The following TFAP4 variants were observed in gnomAD, a reference collection of about 807,000 sequenced individuals.
TFAP4 encodes the protein transcription factor AP-4, also known as activating enhancer-binding protein 4.
Under a neutral mutation model 40.4 loss-of-function variants are expected in TFAP4, and 7 were observed. The ratio of observed to expected loss-of-function variants is 0.17; its 90% CI spans 0.10 to 0.33. The LOEUF (loss-of-function observed/expected upper bound fraction) is 0.33. Among genes scored for constraint, TFAP4 ranks in the 10% least tolerant of loss-of-function variants. The pLI is 1.00. For missense variants in TFAP4, 374 were observed against 451.1 expected, an observed-to-expected ratio of 0.83 and a Z score of 1.55; for synonymous variants, 218 against 181.4, an observed-to-expected ratio of 1.20 and a Z score of -1.62.
rs780865305 is a variant in TFAP4, at chr16:4,260,587, C to G, written c.534G>C (p.Ser178=). 3 of 1,602,914 alleles carry G rather than the reference C, an allele frequency of 1.9e-6. No homozygotes were observed. The highest frequency in any genetic ancestry group is 2.6e-6 in the Non-Finnish European group (3 of 1,175,756). ...TTTCCGGGTACATGTGGGCCTCCAGCGAGCGCACCTGGAGGCAGGACAACC... is the reference window on the plus strand; with the variant it reads ...TTTCCGGGTACATGTGGGCCTCCAGGGAGCGCACCTGGAGGCAGGACAACC... ...VRMMLEEQVR[S]LEAHMYPEKL... The change falls in exon 5 of 7, where the codon TCG becomes TCC. Residue 178 remains serine, a synonymous_variant. Coordinates refer to ENST00000204517, the MANE Select transcript of TFAP4 (RefSeq NM_003223.3).
At chr16:4,259,969 C>T in intron 6 of TFAP4, 121 bp downstream of exon 6, 1 of 1,324,192 alleles carries the variant, frequency 7.6e-7, no homozygotes, top group Non-Finnish European at 1.0e-6. Flanking sequence ...TTCCAGCCCT[C>T]CACCCCTTCC....
At position 4,260,224 on chromosome 16, in the gene TFAP4, T is replaced by TGGAAGCCTTG; in HGVS notation, c.687_688insCAAGGCTTCC (p.Thr230GlnfsTer85). On this transcript the variant is annotated frameshift_variant, in exon 6 of 7. Coordinates refer to ENST00000204517, the MANE Select transcript of TFAP4 (RefSeq NM_003223.3). LOFTEE classifies it high-confidence loss of function. ...GGCACGATCACCGTGGGGTGGTGGG[T>TGGAAGCCTTG]GGGGGCCGGAGGGGGCAGAAGCTGC... is the stretch of plus-strand genomic sequence containing the variant. 1 of 223,764 alleles carries TGGAAGCCTTG rather than the reference T, an allele frequency of 4.5e-6. No individual in the cohort carries two copies. The highest frequency in any genetic ancestry group is 7.9e-6 in the Non-Finnish European group (1 of 126,040). The allele number at this position is 223,764 out of a possible 1,614,324, so 13.9% of individuals were successfully genotyped here. A position where few individuals can be genotyped will look rare whatever the true frequency, so the allele number is the denominator to read the frequency against.
intron 1 of TFAP4, among the ~76,000 whole-genome samples, chr16:4,271,640 G>A (rs1303583166): frequency 6.6e-6 from 1 of 152,140 alleles, no homozygotes; most frequent in Non-Finnish European, 1.5e-5. Context: ...GGAGGCCTGC[G>A]GACCTCGGGC....
At chr16:4,259,995 T>C (rs940270027) in intron 6 of TFAP4, 95 bp downstream of exon 6, 1 of 1,435,150 alleles carries the variant, frequency 7.0e-7, no homozygotes, top group Non-Finnish European at 9.3e-7. Flanking sequence ...AAGCACCATC[T>C]TCCTCCGCTT....
At position 4,261,254 on chromosome 16, in the gene TFAP4, G is replaced by A. The variant is rs559764758; in HGVS notation, c.525+525C>T. On this transcript the variant is annotated intron_variant, in intron 4 of 6. Coordinates refer to ENST00000204517, the MANE Select transcript of TFAP4 (RefSeq NM_003223.3). ...CGCAAAGTGCTGGGATTATAGGTGT[G>A]AGCCACCATACCCAGCCCATCACGG... Among the ~76,000 whole-genome samples, 10 of 151,278 alleles carry A rather than the reference G, an allele frequency of 6.6e-5. No individual in the cohort carries two copies. In the East Asian group the frequency reaches 2.0e-3, roughly 30 times the overall value.
chr16:4,262,462 T>C (rs1162271218), intron 2 of TFAP4, 40 bp from the exon 3 acceptor site: 1 of 1,613,758 alleles, frequency 6.2e-7, no homozygotes, highest in East Asian at 2.2e-5. Flanking sequence ...CTGGCAGTGT[T>C]TACCAGAGCT....
intron 1 of TFAP4, 138 bp from the exon 2 acceptor site, chr16:4,262,839 C>T: frequency 1.0e-6 from 1 of 961,900 alleles, no homozygotes; most frequent in Non-Finnish European, 1.6e-6. Flanking sequence ...GAGGGGTGCT[C>T]TCTGGGACAC....
chr16:4,262,951 G>A lies in TFAP4; in HGVS notation c.90-250C>T, dbSNP rs528973428. On this transcript the variant is annotated intron_variant, in intron 1 of 6. Transcript: ENST00000204517. ...AGTTCTTTGGGAGGTCAAGGCCAAG[G>A]ATCATTGAGCCTAAGAGTTTGAGAT... The A allele has an allele frequency of 1.1e-4, 56 of 529,182 alleles. No homozygotes were observed. The South Asian group carries it at 1.1e-3, about 11-fold the overall frequency. The allele number at this position is 529,182 out of a possible 1,614,324, so 32.8% of individuals were successfully genotyped here. A position where few individuals can be genotyped will look rare whatever the true frequency, so the allele number is the denominator to read the frequency against.
chr16:4,271,233 G>T (rs529938327), intron 1 of TFAP4, among the ~76,000 whole-genome samples: 2 of 152,210 alleles, frequency 1.3e-5, no homozygotes, highest in South Asian at 2.1e-4. Flanking sequence ...GTGTCTACAC[G>T]TGTGCAGCAA....
Position 4,257,269 on chromosome 16 carries a change from AAATAT to A in TFAP4, c.*781_*785del, listed in dbSNP as rs760002879. 2.0e-5 allele frequency: 3 copies of A among 151,730 alleles called. No individual in the cohort carries two copies. The highest frequency in any genetic ancestry group is 4.4e-5 in the Non-Finnish European group (3 of 67,832). The allele number at this position is 151,730 out of a possible 1,614,324, so 9.4% of individuals were successfully genotyped here. On this transcript the variant is annotated 3_prime_UTR_variant, in exon 7 of 7. Coordinates refer to ENST00000204517, the MANE Select transcript of TFAP4 (RefSeq NM_003223.3). ...TTTTTTTCTCCCCACTTTCTTAACA[AAATAT>A]AATAGCTTCTCCTTGAACACGAAGA...
At chr16:4,271,051 A>T (rs1257271238) in intron 1 of TFAP4, among the ~76,000 whole-genome samples, 1 of 152,104 alleles carries the variant, frequency 6.6e-6, no homozygotes, top group Non-Finnish European at 1.5e-5. Flanking sequence ...GAGCTCAAGA[A>T]TTTTTTTTAC....
At position 4,272,755 on chromosome 16, in the gene TFAP4, G is replaced by C. The variant is rs1328869583; in HGVS notation, c.-9C>G. On this transcript the variant is annotated 5_prime_UTR_variant, in exon 1 of 7. Transcript: ENST00000204517. ...ACCATGAAATACTCCATAGCGATCG[G>C]CCCCCCTCCTCTGCACGAGCCAGGT... The C allele has an allele frequency of 3.1e-6, 5 of 1,612,392 alleles. No homozygotes were observed. The highest frequency in any genetic ancestry group is 3.4e-6 in the Non-Finnish European group (4 of 1,178,862).
intron 1 of TFAP4, chr16:4,266,444 T>C (rs574487705): frequency 6.6e-6 from 1 of 152,222 alleles, no homozygotes; most frequent in East Asian, 1.9e-4. Context: ...CCCTCAAATA[T>C]AACTCACCTA....
chr16:4,272,947 C>CGTGTGTGTGTGTGTGTGTGTGT lies in TFAP4; in HGVS notation c.-202_-201insACACACACACACACACACACAC, dbSNP rs1400638855. 2.2e-6 allele frequency: 1 copy of CGTGTGTGTGTGTGTGTGTGTGT among 458,522 alleles called. No homozygotes were observed. Among genetic ancestry groups the CGTGTGTGTGTGTGTGTGTGTGT allele is most frequent in the African/African-American group, 2.7e-5 (1 of 36,450 alleles). 28.4% of individuals were successfully genotyped at this position (458,522 alleles called of 1,614,324 possible). On this transcript the variant is annotated 5_prime_UTR_variant, in exon 1 of 7. Transcript: ENST00000204517. Reference sequence around the variant, plus strand: ...GGTCTCTCCGGCCTGCCTCCCCGGGCGTGTGTATGTGTGTGTGTGTGTGTG... The same window carrying CGTGTGTGTGTGTGTGTGTGTGT: ...GGTCTCTCCGGCCTGCCTCCCCGGGCGTGTGTGTGTGTGTGTGTGTGTGTGTGTATGTGTGTGTGTGTGTGTG...
intron 1 of TFAP4, among the ~76,000 whole-genome samples, chr16:4,267,884 A>G (rs1187353567): frequency 2.6e-5 from 4 of 152,094 alleles, no homozygotes; most frequent in Non-Finnish European, 4.4e-5. Context: ...CTGTACTCTG[A>G]CCTGGCCAGT....
chr16:4,257,324 A>G lies in TFAP4; in HGVS notation c.*731T>C, dbSNP rs1030955023. 4.0e-5 allele frequency: 6 copies of G among 151,320 alleles called. No homozygotes were observed. Among genetic ancestry groups the G allele is most frequent in the South Asian group, 2.1e-4 (1 of 4,816 alleles). 9.4% of individuals were successfully genotyped at this position (151,320 alleles called of 1,614,324 possible). ...ACCTCAAAATTGTAAAAAAAAAAAAAAAAGAAAGAAAAAAAAGAAAAACAA... is the reference window on the plus strand; with the variant it reads ...ACCTCAAAATTGTAAAAAAAAAAAAGAAAGAAAGAAAAAAAAGAAAAACAA... On this transcript the variant is annotated 3_prime_UTR_variant, in exon 7 of 7. Transcript: ENST00000204517.
At chr16:4,262,728 G>A (rs777490443) in intron 1 of TFAP4, 27 bp from the exon 2 acceptor site, 11 of 1,600,650 alleles carry the variant, frequency 6.9e-6, no homozygotes, top group South Asian at 5.5e-5. Flanking sequence ...GGACAGGCTC[G>A]GCCAAGGCGC....
intron 1 of TFAP4, among the ~76,000 whole-genome samples, chr16:4,271,411 C>A (rs760028744): frequency 4.1e-4 from 63 of 152,234 alleles, no homozygotes; most frequent in Middle Eastern, 3.2e-3. Context: ...GGAAAGGGGC[C>A]ACAGGTCCCA....
chr16:4,259,664 C>A, intron 6 of TFAP4, among the ~76,000 whole-genome samples: 1 of 152,120 alleles, frequency 6.6e-6, no homozygotes, highest in East Asian at 1.9e-4. Context: ...TCAGGCTTGA[C>A]CCACAAAGCT....
Sources: gnomAD v4.1 joint callset for allele counts (sites outside exome capture counted in the v4.1 genomes callset) on GRCh38, gnomAD v4.1.1 for gene constraint, MANE v1.5 for transcripts, NCBI Gene and HGNC (gene_info 2026-07-23, HGNC 2026-07-21) for gene names.